STAB2: variants seen among roughly 807,000 people sequenced by gnomAD.
STAB2 encodes the protein stabilin 2.
Under a neutral mutation model 338.1 loss-of-function variants are expected in STAB2, and 288 were observed. That is an observed-to-expected ratio of 0.85 (90% CI 0.77 to 0.94). The LOEUF is 0.94. Among genes scored for constraint, STAB2 ranks in the 40% least tolerant of loss-of-function variants. STAB2 has a pLI of 0.00. For missense variants in STAB2, 3,141 were observed against 3,210.1 expected (o/e 0.98, Z 0.52); for synonymous variants, 1,202 against 1,193.3 (o/e 1.01, Z -0.15).
chr12:103,597,329 C>A (rs1394699701), intron 3 of STAB2, among the ~76,000 whole-genome samples: 1 of 152,178 alleles, frequency 6.6e-6, no homozygotes, highest in Non-Finnish European at 1.5e-5. Context: ...AGCACATTCC[C>A]AAGCTCCAGA....
intron 39 of STAB2, among the ~76,000 whole-genome samples, chr12:103,709,924 C>T (rs939399653): frequency 6.6e-6 from 1 of 152,176 alleles, no homozygotes; most frequent in Non-Finnish European, 1.5e-5. Flanking sequence ...ACCACCCATG[C>T]ACCTGGTCAC....
chr12:103,715,646 A>T (rs372885188), intron 42 of STAB2, among the ~76,000 whole-genome samples, 169 bp from the exon 43 acceptor site: 77 of 152,328 alleles, frequency 5.1e-4, no homozygotes, highest in African/African-American at 1.8e-3. Flanking sequence ...AACCATATAC[A>T]GTACCCTCCT....
chr12:103,650,182 C>T (rs1048695927), intron 10 of STAB2, among the ~76,000 whole-genome samples: 7 of 152,072 alleles, frequency 4.6e-5, no homozygotes, highest in East Asian at 1.9e-4. Context: ...CAAAGTTAAG[C>T]GCAGGATCAG....
At position 103,640,193 on chromosome 12, in the gene STAB2, G is replaced by A. The variant is rs1199457231; in HGVS notation, c.977G>A (p.Cys326Tyr). The A allele has an allele frequency of 1.2e-6, 2 of 1,613,914 alleles. No individual in the cohort carries two copies. The highest frequency in any genetic ancestry group is 2.2e-5 in the South Asian group (2 of 91,044). Reference sequence around the variant, plus strand: ...GTGGGGTGCAGTATGACTGATATATGTAAATCAGATAACCCGTGTCATAGG... The same window carrying A: ...GTGGGGTGCAGTATGACTGATATATATAAATCAGATAACCCGTGTCATAGG... ...PGVGCSMTDI[C>Y]KSDNPCHRNA... The change falls in exon 9 of 69, where the codon TGT becomes TAT. Residue 326 changes from cysteine (C) to tyrosine (Y), a missense_variant. Cys to Tyr is a radical substitution (Grantham distance 194, BLOSUM62 -2). Transcript: ENST00000388887.
At chr12:103,644,850 G>A (rs1158582216) in intron 9 of STAB2, among the ~76,000 whole-genome samples, 4 of 152,194 alleles carry the variant, frequency 2.6e-5, no homozygotes, top group Non-Finnish European at 5.9e-5. Context: ...CTTGAAATGA[G>A]AGCTATCCCA....
chr12:103,708,342 T>C (rs1184496509), intron 38 of STAB2, 99 bp from the exon 39 acceptor site: 12 of 1,173,536 alleles, frequency 1.0e-5, no homozygotes, highest in African/African-American at 3.0e-5. Context: ...TAGAAGTAGG[T>C]TGGAGAATTA....
At chr12:103,669,913 A>G (rs556643163) in intron 21 of STAB2, among the ~76,000 whole-genome samples, 33 of 152,274 alleles carry the variant, frequency 2.2e-4, no homozygotes, top group African/African-American at 7.9e-4. Context: ...CCTGTGGGAG[A>G]TATCAGGGTT....
At chr12:103,702,055 T>C (rs984049041) in intron 34 of STAB2, among the ~76,000 whole-genome samples, 2 of 150,994 alleles carry the variant, frequency 1.3e-5, no homozygotes, top group African/African-American at 4.9e-5. Context: ...ATGATTTGCT[T>C]CCAGTTATAT....
At chr12:103,745,044 A>G (rs1466671018) in intron 56 of STAB2, 129 bp from the exon 57 acceptor site, 3 of 713,832 alleles carry the variant, frequency 4.2e-6, no homozygotes, top group Non-Finnish European at 6.7e-6. Context: ...GTTTCAATGA[A>G]TGAATGAATG....
Position 103,636,970 on chromosome 12 carries a change from T to C in STAB2, c.584-141T>C, listed in dbSNP as rs1957557212. The C allele has an allele frequency of 4.6e-6, 4 of 868,710 alleles. No homozygotes were observed. In the East Asian group the frequency reaches 9.6e-5, roughly 21 times the overall value. The allele number at this position is 868,710 out of a possible 1,614,324, so 53.8% of individuals were successfully genotyped here. A position where few individuals can be genotyped will look rare whatever the true frequency, so the allele number is the denominator to read the frequency against. On this transcript the variant is annotated intron_variant, in intron 6 of 68. Transcript: ENST00000388887. Reference sequence around the variant, plus strand: ...TTTGGGAGACTAAGAAGAAGACAATTTTAACTTAACGTGTTCTGTATTTTT... The same window carrying C: ...TTTGGGAGACTAAGAAGAAGACAATCTTAACTTAACGTGTTCTGTATTTTT...
rs762304501 is a variant in STAB2, at chr12:103,590,991, C to T, written c.176C>T (p.Thr59Ile). ...GGAGTCAAGTGCCCGGATGGTTACA[C>T]CATGATTACCAGTGGCTCTGTAGGG... is the stretch of plus-strand genomic sequence containing the variant. ...NLGVKCPDGY[T>I]MITSGSVGVR... Residue 59 changes from threonine to isoleucine, a missense_variant, in exon 2 of 69, where the codon ACC (threonine) becomes ATC (isoleucine). By Grantham distance (89) the Thr-to-Ile change is moderately conservative (BLOSUM62 -1). Coordinates refer to ENST00000388887, the MANE Select transcript of STAB2 (RefSeq NM_017564.10). The T allele has an allele frequency of 9.9e-6, 16 of 1,613,936 alleles. No homozygotes were observed. Among genetic ancestry groups the T allele is most frequent in the African/African-American group, 1.3e-5 (1 of 74,864 alleles).
intron 68 of STAB2, chr12:103,765,964 T>TG: frequency 2.3e-6 from 1 of 443,180 alleles, no homozygotes; most frequent in African/African-American, 2.0e-5. Context: ...GCTTATACCT[T>TG]GCTAAATGTA....
At chr12:103,744,496 T>C (rs912444665) in intron 56 of STAB2, among the ~76,000 whole-genome samples, 2 of 141,916 alleles carry the variant, frequency 1.4e-5, no homozygotes, top group Admixed American at 7.3e-5. Flanking sequence ...AGACAGGGTC[T>C]CACTCTGTTA....
At chr12:103,745,099 C>T in intron 56 of STAB2, 74 bp from the exon 57 acceptor site, 1 of 1,326,648 alleles carries the variant, frequency 7.5e-7, no homozygotes. Context: ...AAATGCATAG[C>T]AAACAAGGGG....
intron 17 of STAB2, among the ~76,000 whole-genome samples, chr12:103,661,682 A>G (rs1373265251): frequency 6.6e-6 from 1 of 152,238 alleles, no homozygotes; most frequent in Non-Finnish European, 1.5e-5. Flanking sequence ...TGGGGAAGAA[A>G]CATCTGAACA....
chr12:103,731,565 T>A lies in STAB2; in HGVS notation c.5224-11T>A, dbSNP rs769992095. 6.2e-7 allele frequency: 1 copy of A among 1,613,616 alleles called. No individual in the cohort carries two copies. The highest frequency in any genetic ancestry group is 1.1e-5 in the South Asian group (1 of 90,916). ...GGAAAAGTTTCATGCCCATTCTTAT[T>A]ATCTTTGCAGCAAAATCTTACGACT... On this transcript the variant is annotated splice_polypyrimidine_tract_variant and intron_variant, in intron 49 of 68. Transcript: ENST00000388887.
rs201356353 is a variant in STAB2 at position 103,677,532 on chromosome 12, C to T, written c.2726C>T (p.Ser909Leu). 1.8e-5 allele frequency: 29 copies of T among 1,614,164 alleles called. 1 individual carries two copies. The highest frequency in any genetic ancestry group is 1.7e-4 in the Middle Eastern group (1 of 6,060). The stretch of plus-strand genomic sequence containing the variant: ...TGGACAGGGAATGGGAGAGACTGCT[C>T]GGAGATCAACAACTGCCTGCTGCCC... ...QGWTGNGRDCSEINNCLLPSA... is the reference protein window; with the variant it reads ...QGWTGNGRDCLEINNCLLPSA... The change falls in exon 25 of 69, where the codon TCG becomes TTG. Residue 909 changes from serine (S) to leucine (L), a missense_variant. Ser to Leu is a moderately radical substitution (Grantham distance 145). Transcript: ENST00000388887.
intron 11 of STAB2, among the ~76,000 whole-genome samples, chr12:103,651,772 A>C (rs1297468925): frequency 6.6e-6 from 1 of 152,242 alleles, no homozygotes; most frequent in Non-Finnish European, 1.5e-5. Flanking sequence ...GGAAAAAATA[A>C]AAATGAAAAA....
chr12:103,727,436 G>A, intron 47 of STAB2, 86 bp downstream of exon 47: 3 of 1,465,798 alleles, frequency 2.0e-6, no homozygotes, highest in Non-Finnish European at 2.9e-6. Context: ...GACTGGAGAT[G>A]TTTCTAAGCA....
Sources: gnomAD v4.1 joint callset for allele counts (sites outside exome capture counted in the v4.1 genomes callset) on GRCh38, gnomAD v4.1.1 for gene constraint, MANE v1.5 for transcripts, NCBI Gene and HGNC (gene_info 2026-07-23, HGNC 2026-07-21) for gene names.